TRPC1: variants seen among roughly 807,000 people sequenced by gnomAD.
The protein encoded by TRPC1 is transient receptor potential cation channel subfamily C member 1.
In TRPC1, 42 loss-of-function variants were observed where a neutral mutation model predicts 88.2. That is an observed-to-expected ratio of 0.48 (90% CI 0.37 to 0.62). TRPC1 has a LOEUF of 0.62. Ranked by LOEUF, TRPC1 falls within the 20% of genes least tolerant of loss-of-function variation. The pLI, the probability that TRPC1 is intolerant of heterozygous loss-of-function variation, is 0.00. For synonymous variants in TRPC1, 288 were observed against 331.8 expected, an observed-to-expected ratio of 0.87 and a Z score of 1.43; for missense variants, 699 against 957.3, an observed-to-expected ratio of 0.73 and a Z score of 3.56.
At chr3:142,793,204 C>G (rs185789966) in intron 9 of TRPC1, among the ~76,000 whole-genome samples, 27 of 152,098 alleles carry the variant, frequency 1.8e-4, no homozygotes, top group African/African-American at 6.0e-4. Context: ...CTCCTCCCCC[C>G]ACTTCATAGA....
At chr3:142,727,517 A>C (rs1933732736) in intron 1 of TRPC1, among the ~76,000 whole-genome samples, 2 of 152,190 alleles carry the variant, frequency 1.3e-5, no homozygotes, top group Admixed American at 1.3e-4. Flanking sequence ...AGTTCGGTAG[A>C]TTTAGGCAAC....
intron 7 of TRPC1, among the ~76,000 whole-genome samples, chr3:142,789,795 T>C (rs1936243046): frequency 6.6e-6 from 1 of 152,224 alleles, no homozygotes; most frequent in African/African-American, 2.4e-5. Context: ...GTTTGTTTGC[T>C]TTGGTTTTTA....
chr3:142,727,725 A>G (rs1421834106), intron 1 of TRPC1, among the ~76,000 whole-genome samples: 1 of 152,226 alleles, frequency 6.6e-6, no homozygotes, highest in Non-Finnish European at 1.5e-5. Flanking sequence ...TTCTTTCTAG[A>G]GATAGAAAGC....
chr3:142,732,966 CTTT>C (rs59126201), intron 1 of TRPC1, among the ~76,000 whole-genome samples: 1 of 144,172 alleles, frequency 6.9e-6, no homozygotes. Context: ...GTGTTCTGGT[CTTT>C]TTTTTTTTTT....
intron 4 of TRPC1, among the ~76,000 whole-genome samples, chr3:142,760,002 T>G (rs1476414563): frequency 2.0e-5 from 3 of 152,062 alleles, no homozygotes; most frequent in African/African-American, 7.2e-5. Flanking sequence ...TTTTTTGTAT[T>G]TTTTTAGTGG....
chr3:142,756,065 C>T (rs1409489118), intron 4 of TRPC1, among the ~76,000 whole-genome samples: 1 of 150,784 alleles, frequency 6.6e-6, no homozygotes, highest in Non-Finnish European at 1.5e-5. Flanking sequence ...GAGGTCCATC[C>T]ATATTGTTTC....
intron 2 of TRPC1, among the ~76,000 whole-genome samples, chr3:142,741,701 G>T (rs1934356050): frequency 6.6e-6 from 1 of 152,190 alleles, no homozygotes; most frequent in Admixed American, 6.5e-5. Flanking sequence ...TTCTAAATCA[G>T]AATGCTTGGG....
intron 4 of TRPC1, among the ~76,000 whole-genome samples, chr3:142,757,903 TACTC>T (rs1318912545): frequency 3.9e-5 from 6 of 152,286 alleles, no homozygotes; most frequent in Non-Finnish European, 2.9e-5. Flanking sequence ...AATAGTGTAA[TACTC>T]AGGTCATGGA....
chr3:142,774,962 G>C (rs180939963), intron 4 of TRPC1, among the ~76,000 whole-genome samples: 1 of 152,184 alleles, frequency 6.6e-6, no homozygotes, highest in East Asian at 1.9e-4. Flanking sequence ...ACTATATCTT[G>C]AGACATGATA....
intron 4 of TRPC1, among the ~76,000 whole-genome samples, chr3:142,756,224 G>A (rs983285772): frequency 2.6e-5 from 4 of 152,032 alleles, no homozygotes; most frequent in Admixed American, 1.3e-4. Flanking sequence ...GTCTTTGTGC[G>A]GACATGTTTT....
At chr3:142,758,093 C>A (rs760345419) in intron 4 of TRPC1, among the ~76,000 whole-genome samples, 1 of 152,050 alleles carries the variant, frequency 6.6e-6, no homozygotes, top group Non-Finnish European at 1.5e-5. Context: ...CATTAACCAT[C>A]CCCACCTTCT....
At chr3:142,736,294 A>T in intron 1 of TRPC1, 85 bp from the exon 2 acceptor site, 1 of 1,061,458 alleles carries the variant, frequency 9.4e-7, no homozygotes. Context: ...TTAATCTTTT[A>T]ATTCAACAAG....
In TRPC1 at chr3:142,778,512, T is replaced by TAGA. The variant is rs1424015110; in HGVS notation, c.764+750_764+752dup. ...CTTAGAAAACTACTTTTATTAATAGTAGAGTTGAGAGAAAGCGTTGAGATT... is the reference window on the plus strand; with the variant it reads ...CTTAGAAAACTACTTTTATTAATAGTAGAAGAGTTGAGAGAAAGCGTTGAGATT... On this transcript the variant is annotated intron_variant, in intron 5 of 12. Transcript: ENST00000476941. Among the ~76,000 whole-genome samples the TAGA allele has an allele frequency of 1.3e-4, 20 of 152,280 alleles. No individual in the cohort carries two copies. The East Asian group carries it at 2.9e-3, about 22-fold the overall frequency.
In TRPC1 at chr3:142,792,661, A is replaced by T. The variant is rs1366117502; in HGVS notation, c.1438-163A>T. Among the ~76,000 whole-genome samples the T allele has an allele frequency of 1.3e-5, 2 of 152,022 alleles. No individual in the cohort carries two copies. The highest frequency in any genetic ancestry group is 4.8e-5 in the African/African-American group (2 of 41,448). ...ATACATAATAATATTTTATTTCATT[A>T]AAATATTATTTCTATTTTTAAAAAA... On this transcript the variant is annotated intron_variant, in intron 8 of 12. Coordinates refer to ENST00000476941, the MANE Select transcript of TRPC1 (RefSeq NM_001251845.2). The surrounding 1 kb of genome is among the most constrained non-coding windows in gnomAD (Gnocchi z 4.0).
Position 142,802,269 on chromosome 3 carries a change from A to G in TRPC1, c.1682A>G (p.Lys561Arg). The change falls in exon 10 of 13, where the codon AAA (lysine) becomes AGA (arginine). Residue 561 changes from lysine (K) to arginine (R), a missense_variant. This residue lies in a region of TRPC1 where 426 missense variants were observed against 641.3 expected (regional missense o/e 0.66). Coordinates refer to ENST00000476941, the MANE Select transcript of TRPC1 (RefSeq NM_001251845.2). ...ATTGGACTGACACAACTGTATGATA[A>G]AGGATATACTTCAAAGGAGCAGAAG... ...FTIGLTQLYD[K>R]GYTSKEQKDC... 2 of 1,600,566 alleles carry G rather than the reference A, an allele frequency of 1.2e-6. No individual in the cohort carries two copies. Among genetic ancestry groups the G allele is most frequent in the Non-Finnish European group, 1.7e-6 (2 of 1,174,540 alleles).
chr3:142,725,086 C>A (rs997014170), intron 1 of TRPC1, among the ~76,000 whole-genome samples: 2 of 152,236 alleles, frequency 1.3e-5, no homozygotes, highest in African/African-American at 4.8e-5. Context: ...GCAGTTCATT[C>A]CTTCCGGGAG....
chr3:142,765,375 G>A (rs565186291), intron 4 of TRPC1, among the ~76,000 whole-genome samples: 1 of 152,136 alleles, frequency 6.6e-6, no homozygotes, highest in East Asian at 1.9e-4. Flanking sequence ...GCAATCTTAA[G>A]CAAAAAGAAC....
chr3:142,793,120 C>G (rs374990300), intron 9 of TRPC1, among the ~76,000 whole-genome samples, 153 bp downstream of exon 9: 20 of 152,204 alleles, frequency 1.3e-4, no homozygotes, highest in African/African-American at 4.8e-4. Flanking sequence ...GCATGTTTAT[C>G]TACTTTGCTT....
At chr3:142,775,431 C>T (rs556802606) in intron 4 of TRPC1, among the ~76,000 whole-genome samples, 1 of 152,136 alleles carries the variant, frequency 6.6e-6, no homozygotes, top group East Asian at 1.9e-4. Context: ...CCAGCCTGGG[C>T]AATATGGCAA....
Sources: gnomAD v4.1 joint callset for allele counts (sites outside exome capture counted in the v4.1 genomes callset) on GRCh38, gnomAD v4.1.1 for gene constraint, gnomAD v4.1.1 regional missense constraint, Gnocchi (gnomAD v3.1) non-coding constraint, MANE v1.5 for transcripts, NCBI Gene and HGNC (gene_info 2026-07-23, HGNC 2026-07-21) for gene names.